Variants in FREM1 observed in about 807,000 individuals in gnomAD.
The protein encoded by FREM1 is FRAS1-related extracellular matrix protein 1.
FREM1 carries 220 observed loss-of-function variants against 210.1 expected under a neutral mutation model. That is an observed-to-expected ratio of 1.05 (90% CI 0.94 to 1.17). The LOEUF is 1.17. Among genes scored for constraint, FREM1 ranks in the 50% most tolerant of loss-of-function variants. The pLI is 0.00. For missense variants in FREM1, 3,454 were observed against 2,675.5 expected, an observed-to-expected ratio of 1.29 and a Z score of -6.42; for synonymous variants, 1,189 against 980.2, an observed-to-expected ratio of 1.21 and a Z score of -3.98.
chr9:14,769,877 A>G lies in FREM1; in HGVS notation c.5060-9T>C, dbSNP rs1206788925. On this transcript the variant is annotated splice_polypyrimidine_tract_variant and intron_variant, in intron 26 of 36. Transcript: ENST00000380880. The stretch of plus-strand genomic sequence containing the variant: ...CTCATGGATAAATTCACCTAAAAAA[A>G]GAAATAAATGAATATCATGGGTAAT... 1.4e-6 allele frequency: 2 copies of G among 1,382,576 alleles called. No individual in the cohort carries two copies. The highest frequency in any genetic ancestry group is 1.0e-6 in the Non-Finnish European group (1 of 996,490). 85.6% of individuals were successfully genotyped at this position (1,382,576 alleles called of 1,614,324 possible). A position where few individuals can be genotyped will look rare whatever the true frequency, so the allele number is the denominator to read the frequency against.
chr9:14,901,742 G>C (rs1838823494), intron 1 of FREM1, among the ~76,000 whole-genome samples: 1 of 152,196 alleles, frequency 6.6e-6, no homozygotes, highest in Non-Finnish European at 1.5e-5. Context: ...TCTGCAGAAA[G>C]AAGCTCAATC....
chr9:14,901,492 G>A (rs1838775391), intron 1 of FREM1, among the ~76,000 whole-genome samples: 1 of 151,708 alleles, frequency 6.6e-6, no homozygotes, highest in Non-Finnish European at 1.5e-5. Context: ...TTTCTCCATG[G>A]GATAAACAGT....
chr9:14,851,347 G>A lies in FREM1; in HGVS notation c.1089C>T (p.Leu363=). 6.2e-7 allele frequency: 1 copy of A among 1,612,538 alleles called. No individual in the cohort carries two copies. Among genetic ancestry groups the A allele is most frequent in the Non-Finnish European group, 8.5e-7 (1 of 1,178,822 alleles). ...RPISSFTWKD[L]SDMQIAYQPP... is the part of the protein sequence containing the mutation. Reference sequence around the variant, plus strand: ...GCTGATAGGCGATCTGCATGTCACTGAGATCTTTCCAGGTGAATGAGGAGA... The same window carrying A: ...GCTGATAGGCGATCTGCATGTCACTAAGATCTTTCCAGGTGAATGAGGAGA... The change falls in exon 6 of 37, where the codon CTC becomes CTT. Residue 363 remains leucine (L), a synonymous_variant. Transcript: ENST00000380880.
intron 22 of FREM1, among the ~76,000 whole-genome samples, chr9:14,791,429 C>A (rs183666464): frequency 2.0e-5 from 3 of 152,160 alleles, no homozygotes; most frequent in Non-Finnish European, 4.4e-5. Context: ...TGTTAATTTA[C>A]GGTGTCATGC....
intron 14 of FREM1, 126 bp downstream of exon 14, chr9:14,819,108 G>C (rs534040234): frequency 8.8e-6 from 5 of 565,678 alleles, no homozygotes; most frequent in African/African-American, 3.7e-5. Flanking sequence ...GACCCGTTGA[G>C]TGTGTTAAGT....
intron 3 of FREM1, among the ~76,000 whole-genome samples, chr9:14,860,920 CAT>C (rs1290914635): frequency 5.0e-5 from 4 of 79,766 alleles, no homozygotes; most frequent in Admixed American, 1.4e-4. Context: ...CACATATACA[CAT>C]ATATACACAT....
chr9:14,799,157 G>T (rs2133234635), intron 20 of FREM1, among the ~76,000 whole-genome samples: 1 of 152,048 alleles, frequency 6.6e-6, no homozygotes, highest in South Asian at 2.1e-4. Flanking sequence ...GTGATGACTT[G>T]TGCCTGTGGT....
chr9:14,809,625 C>T (rs1453393174), intron 16 of FREM1, among the ~76,000 whole-genome samples: 1 of 152,196 alleles, frequency 6.6e-6, no homozygotes, highest in African/African-American at 2.4e-5. Context: ...AGAGACCTCT[C>T]ACCTATTCAT....
intron 35 of FREM1, among the ~76,000 whole-genome samples, chr9:14,743,927 A>T (rs1587644842): frequency 6.6e-6 from 1 of 152,284 alleles, no homozygotes; most frequent in East Asian, 1.9e-4. Context: ...TCAGTGCATT[A>T]CGACAAACTA....
In FREM1 at chr9:14,748,505, G is replaced by T; in HGVS notation, c.5692C>A (p.Pro1898Thr). 6.2e-7 allele frequency: 1 copy of T among 1,613,860 alleles called. No individual in the cohort carries two copies. The highest frequency in any genetic ancestry group is 8.5e-7 in the Non-Finnish European group (1 of 1,179,754). The part of the protein sequence containing the change: ...GSFHLERRPL[P>T]SSMQLAVIRG... The stretch of plus-strand genomic sequence containing the variant: ...ATGACTGCTAGCTGCATGGAAGATG[G>T]AAGAGGTCTTCTTTCCAGATGAAAG... Residue 1898 changes from proline (P) to threonine (T), a missense_variant, in exon 31 of 37, where the codon CCA (proline) becomes ACA (threonine). Physicochemically the swap from Pro to Thr is conservative, Grantham distance 38. Coordinates refer to ENST00000380880, the MANE Select transcript of FREM1 (RefSeq NM_001379081.2).
chr9:14,807,697 ACC>A (rs938240066), intron 17 of FREM1, among the ~76,000 whole-genome samples: 7 of 146,030 alleles, frequency 4.8e-5, no homozygotes, highest in African/African-American at 1.5e-4. Context: ...ACACACACAC[ACC>A]CCAACACACG....
chr9:14,743,279 G>A (rs1287225519), intron 35 of FREM1, among the ~76,000 whole-genome samples: 1 of 151,896 alleles, frequency 6.6e-6, no homozygotes, highest in African/African-American at 2.4e-5. Flanking sequence ...TCATAGATAC[G>A]TGAAGAACTC....
Position 14,794,997 on chromosome 9 carries a change from C to CA in FREM1, c.3840-2114dup, listed in dbSNP as rs36009556. On this transcript the variant is annotated intron_variant, in intron 21 of 36. Coordinates refer to ENST00000380880, the MANE Select transcript of FREM1 (RefSeq NM_001379081.2). ...TGGGTGACAGAGCGAGACTTTCTCT[C>CA]AAAAAAAAAAAAAAAAAAATAGAAA... 2.5e-3 allele frequency among the ~76,000 whole-genome samples: 306 copies of CA among 120,654 alleles called. 8 individuals carry two copies. The highest frequency in any genetic ancestry group is 4.4e-3 in the Middle Eastern group (1 of 226). The allele number at this position is 120,654 out of a possible 152,430, so 79.2% of individuals were successfully genotyped here.
chr9:14,809,587 C>T (rs1819018571), intron 16 of FREM1, among the ~76,000 whole-genome samples: 1 of 152,140 alleles, frequency 6.6e-6, no homozygotes, highest in Admixed American at 6.5e-5. Context: ...AAACAATCAG[C>T]CGTCAATGTG....
Position 14,869,007 on chromosome 9 carries a change from C to T in FREM1, c.-30G>A, listed in dbSNP as rs1340948392. On this transcript the variant is annotated 5_prime_UTR_variant, in exon 2 of 37. In the 5' UTR this introduces an upstream ATG that the reference lacks. Transcript: ENST00000380880. ...ACAGGGCCCAACTCTTCTCTGTCCA[C>T]CGGCGAAATCCCTTTAACAAAGGAG... 1.4e-6 allele frequency: 2 copies of T among 1,446,628 alleles called. No individual in the cohort carries two copies. The highest frequency in any genetic ancestry group is 1.9e-6 in the Non-Finnish European group (2 of 1,073,380). 89.6% of individuals were successfully genotyped at this position (1,446,628 alleles called of 1,614,324 possible).
At chr9:14,903,384 G>T (rs1839122348) in intron 1 of FREM1, among the ~76,000 whole-genome samples, 1 of 152,190 alleles carries the variant, frequency 6.6e-6, no homozygotes, top group Non-Finnish European at 1.5e-5. Context: ...ATGGTTGATG[G>T]CTTGACTGCT....
At chr9:14,879,157 CAAAA>C (rs78563904) in intron 1 of FREM1, among the ~76,000 whole-genome samples, 1 of 104,440 alleles carries the variant, frequency 9.6e-6, no homozygotes, top group Non-Finnish European at 2.2e-5. Context: ...GATTCCGTCT[CAAAA>C]AAAAAAAAAA....
Position 14,819,288 on chromosome 9 carries a change from G to C in FREM1, c.2492C>G (p.Pro831Arg), listed in dbSNP as rs1820849910. 1 of 1,613,744 alleles carries C rather than the reference G, an allele frequency of 6.2e-7. No homozygotes were observed. The highest frequency in any genetic ancestry group is 8.5e-7 in the Non-Finnish European group (1 of 1,179,820). ...AGAAAATGTGCCCCCTGAATTTAGA[G>C]GAAATCCATTCAGCTCCACCCTTCC... is the stretch of plus-strand genomic sequence containing the variant. ...LHGRVELNGF[P>R]LNSGGTFSWG... Residue 831 changes from proline (P) to arginine (R), a missense_variant, in exon 14 of 37, where the codon CCT becomes CGT. Physicochemically the swap from Pro to Arg is moderately radical, Grantham distance 103 (BLOSUM62 -2). Coordinates refer to ENST00000380880, the MANE Select transcript of FREM1 (RefSeq NM_001379081.2).
chr9:14,851,259 T>C, intron 6 of FREM1, 25 bp downstream of exon 6: 1 of 1,530,244 alleles, frequency 6.5e-7, no homozygotes, highest in Non-Finnish European at 8.8e-7. Context: ...CTAACTAGGC[T>C]GGAAGCTTTG....
Sources: allele counts gnomAD v4.1 joint callset (sites outside exome capture counted in the v4.1 genomes callset), GRCh38; gene constraint gnomAD v4.1.1; transcripts MANE v1.5; gene names NCBI Gene and HGNC (gene_info 2026-07-23, HGNC 2026-07-21).